PCSK5: variants seen among roughly 807,000 people sequenced by gnomAD.
PCSK5 encodes the protein proprotein convertase subtilisin/kexin type 5.
PCSK5 carries 129 observed loss-of-function variants against 233.2 expected under a neutral mutation model. The ratio of observed to expected loss-of-function variants is 0.55; its 90% CI spans 0.48 to 0.64. The LOEUF is 0.64. Among genes scored for constraint, PCSK5 ranks in the 30% least tolerant of loss-of-function variants. The pLI, the probability that PCSK5 is intolerant of heterozygous loss-of-function variation, is 0.00. For missense variants in PCSK5, 2,076 were observed against 2,430.1 expected (o/e 0.85, Z 3.06); for synonymous variants, 825 against 879.2 (o/e 0.94, Z 1.09).
chr9:76,359,011 A>T lies in PCSK5; in HGVS notation c.*89A>T. 1 of 1,018,358 alleles carries T rather than the reference A, an allele frequency of 9.8e-7. No individual in the cohort carries two copies. The highest frequency in any genetic ancestry group is 1.5e-6 in the Non-Finnish European group (1 of 685,096). The allele number at this position is 1,018,358 out of a possible 1,614,324, so 63.1% of individuals were successfully genotyped here. A position where few individuals can be genotyped will look rare whatever the true frequency, so the allele number is the denominator to read the frequency against. The stretch of plus-strand genomic sequence containing the variant: ...TTGGTTTTATCCCCACACCAGGCTG[A>T]TGTGTGAGTTTTTCTATTTGTCTTC... On this transcript the variant is annotated 3_prime_UTR_variant, in exon 38 of 38. Coordinates refer to ENST00000674117, the MANE Select transcript of PCSK5 (RefSeq NM_001372043.1).
At chr9:76,288,610 A>G (rs2842488) in intron 24 of PCSK5, among the ~76,000 whole-genome samples, 31,899 of 152,104 alleles carry the variant, frequency 0.21, 3,456 homozygotes, top group Middle Eastern at 0.27. Flanking sequence ...TGGCCAGGGC[A>G]GCCAGTCTCA....
intron 20 of PCSK5, chr9:76,193,228 C>G (rs769092286): frequency 6.2e-7 from 1 of 1,612,146 alleles, no homozygotes; most frequent in South Asian, 1.1e-5. Context: ...TTGCTGACTT[C>G]TGGAAAAGCA....
At chr9:76,037,958 C>T (rs1051103111) in intron 5 of PCSK5, among the ~76,000 whole-genome samples, 1 of 152,148 alleles carries the variant, frequency 6.6e-6, no homozygotes, top group Non-Finnish European at 1.5e-5. Context: ...TTACCACTTC[C>T]TATTTTTAGA....
intron 2 of PCSK5, among the ~76,000 whole-genome samples, chr9:75,949,775 C>T (rs1824759511): frequency 6.6e-6 from 1 of 152,132 alleles, no homozygotes; most frequent in African/African-American, 2.4e-5. Flanking sequence ...CCGCCCACCT[C>T]AGCCTCCCAA....
intron 10 of PCSK5, among the ~76,000 whole-genome samples, chr9:76,147,003 G>T (rs1473693011): frequency 3.3e-5 from 5 of 152,106 alleles, no homozygotes; most frequent in Non-Finnish European, 5.9e-5. Flanking sequence ...TGTGAAGCAT[G>T]CTCAATGCAT....
chr9:76,069,768 A>C (rs533563002), intron 6 of PCSK5, among the ~76,000 whole-genome samples: 2 of 152,282 alleles, frequency 1.3e-5, no homozygotes, highest in African/African-American at 4.8e-5. Context: ...TGGGGCAATT[A>C]CTGTGTTTGT....
intron 1 of PCSK5, 133 bp downstream of exon 1, chr9:75,891,506 C>A: frequency 2.9e-6 from 2 of 687,296 alleles, no homozygotes; most frequent in South Asian, 2.1e-5. Context: ...GGGCGATGCT[C>A]TGTCTCCTGC....
intron 5 of PCSK5, among the ~76,000 whole-genome samples, chr9:76,047,218 T>G (rs919307142): frequency 2.6e-5 from 4 of 151,920 alleles, no homozygotes; most frequent in Admixed American, 6.6e-5. Flanking sequence ...TGCCTCAGCC[T>G]CCCGAGTAGC....
intron 1 of PCSK5, among the ~76,000 whole-genome samples, chr9:75,896,550 G>GT (rs1427998032): frequency 6.6e-6 from 1 of 152,122 alleles, no homozygotes; most frequent in Non-Finnish European, 1.5e-5. Flanking sequence ...GCAGTGTCTG[G>GT]TTTTTACCAA....
chr9:76,190,510 G>A (rs1824321344), intron 20 of PCSK5, among the ~76,000 whole-genome samples: 1 of 151,886 alleles, frequency 6.6e-6, no homozygotes, highest in East Asian at 1.9e-4. Flanking sequence ...CTAAGGATTA[G>A]GCATAAACAT....
chr9:75,913,268 C>T (rs1822828994), intron 1 of PCSK5, among the ~76,000 whole-genome samples: 1 of 152,188 alleles, frequency 6.6e-6, no homozygotes, highest in Admixed American at 6.5e-5. Flanking sequence ...TTTTCATTAC[C>T]ATCAAAGTAC....
At position 76,332,451 on chromosome 9, in the gene PCSK5, A is replaced by G; in HGVS notation, c.4589A>G (p.Asp1530Gly). 1 of 1,612,194 alleles carries G rather than the reference A, an allele frequency of 6.2e-7. No homozygotes were observed. Among genetic ancestry groups the G allele is most frequent in the Non-Finnish European group, 8.5e-7 (1 of 1,179,548 alleles). The change falls in exon 34 of 38, where the codon GAC (aspartate) becomes GGC (glycine). Residue 1530 changes from aspartate to glycine, a missense_variant. This residue lies in a region of PCSK5 where 1,510 missense variants were observed against 1,538.1 expected (regional missense o/e 0.98). Transcript: ENST00000674117. Reference protein sequence around the residue: ...SLLLNTTCVKDCPEGYYADED... With the variant: ...SLLLNTTCVKGCPEGYYADED... ...ATGACAGACACAACCTGTGTGAAGG[A>G]CTGCCCAGAGGGCTATTATGCCGAT...
intron 5 of PCSK5, among the ~76,000 whole-genome samples, chr9:76,059,708 G>A (rs1321325163): frequency 6.6e-6 from 1 of 152,006 alleles, no homozygotes; most frequent in Non-Finnish European, 1.5e-5. Context: ...GAGTATAGCT[G>A]AAAATTCTGA....
chr9:76,204,079 T>C (rs565408802), intron 20 of PCSK5, among the ~76,000 whole-genome samples: 3 of 152,326 alleles, frequency 2.0e-5, no homozygotes, highest in South Asian at 4.1e-4. Flanking sequence ...TGGTTACTAA[T>C]ATTACTTAAA....
intron 24 of PCSK5, 55 bp downstream of exon 24, chr9:76,240,739 C>A: frequency 1.6e-6 from 2 of 1,215,346 alleles, no homozygotes; most frequent in Non-Finnish European, 2.4e-6. Context: ...TCCTTTTCCA[C>A]ACATCTTCAT....
intron 35 of PCSK5, among the ~76,000 whole-genome samples, chr9:76,347,665 C>A (rs1830013574): frequency 6.6e-6 from 1 of 150,516 alleles, no homozygotes; most frequent in African/African-American, 2.5e-5. Flanking sequence ...CCAAGGTGGG[C>A]AGATAACCTG....
chr9:76,136,212 A>C lies in PCSK5; in HGVS notation c.1312+2000A>C, dbSNP rs142872675. Among the ~76,000 whole-genome samples, 12 of 151,978 alleles carry C rather than the reference A, an allele frequency of 7.9e-5. No individual in the cohort carries two copies. The East Asian group carries it at 2.3e-3, about 29-fold the overall frequency. On this transcript the variant is annotated intron_variant, in intron 10 of 37. Coordinates refer to ENST00000674117, the MANE Select transcript of PCSK5 (RefSeq NM_001372043.1). ...CCGTATTTCATCTAAACAGGATCAT[A>C]ATAAGATGACTTAAGAAAAAAAAAA...
intron 30 of PCSK5, 36 bp downstream of exon 30, chr9:76,310,887 A>G: frequency 7.2e-7 from 1 of 1,381,926 alleles, no homozygotes; most frequent in Non-Finnish European, 9.9e-7. Flanking sequence ...CCTGCTTGTA[A>G]TCACTCTCCT....
At chr9:76,219,532 A>T (rs999540120) in intron 20 of PCSK5, among the ~76,000 whole-genome samples, 2 of 152,214 alleles carry the variant, frequency 1.3e-5, no homozygotes, top group African/African-American at 2.4e-5. Flanking sequence ...TTTAACTCTC[A>T]GTGCACTAGC....
Sources: allele counts gnomAD v4.1 joint callset (sites outside exome capture counted in the v4.1 genomes callset), GRCh38; gene constraint gnomAD v4.1.1; regional missense constraint gnomAD v4.1.1; transcripts MANE v1.5; gene names NCBI Gene and HGNC (gene_info 2026-07-23, HGNC 2026-07-21).